Variants in PCMTD1 observed in about 807,000 individuals in gnomAD.
PCMTD1 encodes the protein protein-L-isoaspartate O-methyltransferase domain-containing protein 1.
Under a neutral mutation model 37.6 loss-of-function variants are expected in PCMTD1, and 12 were observed. The ratio of observed to expected loss-of-function variants is 0.32; its 90% CI spans 0.20 to 0.52. PCMTD1 has a LOEUF of 0.52. Among genes scored for constraint, PCMTD1 ranks in the 20% least tolerant of loss-of-function variants. The pLI is 0.97. For synonymous variants in PCMTD1, 117 were observed against 135.8 expected (o/e 0.86, Z 0.96); for missense variants, 235 against 421.3 (o/e 0.56, Z 3.87).
In PCMTD1 at chr8:51,894,655, C is replaced by T. The variant is rs76103757; in HGVS notation, c.-96+4275G>A. On this transcript the variant is annotated intron_variant, in intron 1 of 5. Coordinates refer to ENST00000522514, the MANE Select transcript of PCMTD1 (RefSeq NM_052937.4). ...CAGGCAGGGAACATGATCAGGACTA[C>T]ATTTAGGACAATTAATAAGCAGTAT... Among the ~76,000 whole-genome samples the T allele has an allele frequency of 3.0e-3, 458 of 152,256 alleles. 11 individuals are homozygous for T. The highest frequency in any genetic ancestry group is 0.012 in the East Asian group (64 of 5,188).
At chr8:51,853,037 G>A (rs908864768) in intron 2 of PCMTD1, among the ~76,000 whole-genome samples, 1 of 152,158 alleles carries the variant, frequency 6.6e-6, no homozygotes, top group Non-Finnish European at 1.5e-5. Flanking sequence ...GGACCTTGGA[G>A]GCAGAAATCT....
intron 1 of PCMTD1, among the ~76,000 whole-genome samples, chr8:51,881,545 A>G (rs534892538): frequency 1.3e-5 from 2 of 152,348 alleles, no homozygotes; most frequent in East Asian, 3.9e-4. Context: ...ATCTACAGAC[A>G]GGCAGAGTGT....
At chr8:51,879,190 T>C (rs1014463107) in intron 1 of PCMTD1, among the ~76,000 whole-genome samples, 5 of 151,002 alleles carry the variant, frequency 3.3e-5, no homozygotes, top group African/African-American at 1.2e-4. Flanking sequence ...TCACAGTATA[T>C]ATGTCCTAAA....
chr8:51,842,330 C>T (rs939556558), intron 3 of PCMTD1, among the ~76,000 whole-genome samples: 1 of 151,772 alleles, frequency 6.6e-6, no homozygotes, highest in Non-Finnish European at 1.5e-5. Flanking sequence ...AACATAAAAA[C>T]ATGTTTGTAT....
chr8:51,855,518 G>GTGAGA (rs1248896259), intron 2 of PCMTD1, among the ~76,000 whole-genome samples: 2 of 151,006 alleles, frequency 1.3e-5, no homozygotes, highest in African/African-American at 4.9e-5. Context: ...GGGCAACAGG[G>GTGAGA]TGAGACTCTG....
chr8:51,890,202 G>A (rs1227300657), intron 1 of PCMTD1, among the ~76,000 whole-genome samples: 4 of 152,026 alleles, frequency 2.6e-5, no homozygotes, highest in Admixed American at 2.6e-4. Flanking sequence ...AAAGAATAAA[G>A]GTTCAAATTA....
chr8:51,824,597 A>G (rs548720604), intron 5 of PCMTD1, among the ~76,000 whole-genome samples: 2 of 152,338 alleles, frequency 1.3e-5, no homozygotes, highest in South Asian at 2.1e-4. Context: ...GGAAGAATCA[A>G]TATCATGAAA....
intron 5 of PCMTD1, among the ~76,000 whole-genome samples, 153 bp from the exon 6 acceptor site, chr8:51,820,871 G>T (rs935474139): frequency 6.6e-6 from 1 of 151,996 alleles, no homozygotes; most frequent in Non-Finnish European, 1.5e-5. Context: ...AAAGGTTTTG[G>T]AGTAGTCATT....
At chr8:51,870,283 A>C (rs1050444960) in intron 1 of PCMTD1, 3 of 152,224 alleles carry the variant, frequency 2.0e-5, no homozygotes, top group African/African-American at 7.2e-5. Context: ...TGTTTGAACA[A>C]AGAATGCTCC....
chr8:51,849,770 T>TA, intron 2 of PCMTD1: 1 of 311,920 alleles, frequency 3.2e-6, no homozygotes, highest in East Asian at 5.6e-5. Flanking sequence ...AGCTTGCACA[T>TA]AAAAGTTAAT....
intron 3 of PCMTD1, among the ~76,000 whole-genome samples, chr8:51,839,039 T>C (rs2129278289): frequency 6.6e-6 from 1 of 152,284 alleles, no homozygotes; most frequent in South Asian, 2.1e-4. Flanking sequence ...ATTTAGGAGT[T>C]CATTAAAATT....
intron 1 of PCMTD1, among the ~76,000 whole-genome samples, chr8:51,862,606 T>C (rs1336632572): frequency 6.6e-6 from 1 of 152,166 alleles, no homozygotes; most frequent in African/African-American, 2.4e-5. Context: ...TTATGACAGT[T>C]AACTCTGGCA....
At chr8:51,857,040 G>A (rs921078996) in intron 2 of PCMTD1, among the ~76,000 whole-genome samples, 3 of 152,228 alleles carry the variant, frequency 2.0e-5, no homozygotes, top group Non-Finnish European at 4.4e-5. Context: ...GCAAAAGAGA[G>A]AAAGCACGAG....
In PCMTD1 at chr8:51,823,759, C is replaced by T. The variant is rs531912848; in HGVS notation, c.707-3041G>A. 3.9e-5 allele frequency among the ~76,000 whole-genome samples: 6 copies of T among 152,262 alleles called. No homozygotes were observed. In the East Asian group the frequency reaches 5.8e-4, roughly 15 times the overall value. The stretch of plus-strand genomic sequence containing the variant: ...CACAACAAAAAAAGAAAATTTCAGG[C>T]CAATATCCCTGATGAACATCGATGC... On this transcript the variant is annotated intron_variant, in intron 5 of 5. Coordinates refer to ENST00000522514, the MANE Select transcript of PCMTD1 (RefSeq NM_052937.4).
At chr8:51,821,264 C>G (rs1253073923) in intron 5 of PCMTD1, among the ~76,000 whole-genome samples, 1 of 152,148 alleles carries the variant, frequency 6.6e-6, no homozygotes, top group African/African-American at 2.4e-5. Context: ...CTCAGCCTCC[C>G]AAGTAGCTGG....
intron 1 of PCMTD1, among the ~76,000 whole-genome samples, chr8:51,876,127 TAAAC>T (rs10565865): frequency 0.69 from 104,236 of 151,872 alleles, 42,242 homozygotes; most frequent in Non-Finnish European, 0.9. Context: ...AATCCTTCCA[TAAAC>T]AAACATATTA....
chr8:51,855,904 G>C (rs2038381412), intron 2 of PCMTD1, among the ~76,000 whole-genome samples: 1 of 152,004 alleles, frequency 6.6e-6, no homozygotes, highest in South Asian at 2.1e-4. Context: ...TCCTGACCTT[G>C]TGATCCACCC....
chr8:51,845,612 T>C (rs2038206368), intron 3 of PCMTD1, 49 bp downstream of exon 3: 6 of 1,258,204 alleles, frequency 4.8e-6, no homozygotes, highest in African/African-American at 2.9e-5. Flanking sequence ...ACATGTTGCA[T>C]GTATCTATTA....
intron 5 of PCMTD1, among the ~76,000 whole-genome samples, chr8:51,824,512 G>C (rs1256045812): frequency 6.6e-6 from 1 of 152,120 alleles, no homozygotes. Context: ...CCTCTTCAAG[G>C]AGAACAACAA....
Sources: allele counts gnomAD v4.1 joint callset (sites outside exome capture counted in the v4.1 genomes callset), GRCh38; gene constraint gnomAD v4.1.1; transcripts MANE v1.5; gene names NCBI Gene and HGNC (gene_info 2026-07-23, HGNC 2026-07-21).